Variants in COLEC12 observed in about 807,000 individuals in gnomAD.
COLEC12 encodes the protein collectin subfamily member 12.
Under a neutral mutation model 71.1 loss-of-function variants are expected in COLEC12, and 33 were observed. The observed-to-expected ratio is 0.46, with a 90% CI of 0.35 to 0.62. COLEC12 has a LOEUF of 0.62. Among genes scored for constraint, COLEC12 ranks in the 20% least tolerant of loss-of-function variants. The pLI is 0.00. For synonymous variants in COLEC12, 350 were observed against 353.0 expected, an observed-to-expected ratio of 0.99 and a Z score of 0.10; for missense variants, 765 against 916.1, an observed-to-expected ratio of 0.84 and a Z score of 2.13.
At chr18:359,850 G>A (rs549173391) in intron 2 of COLEC12, among the ~76,000 whole-genome samples, 3 of 152,342 alleles carry the variant, frequency 2.0e-5, no homozygotes, top group African/African-American at 7.2e-5. Flanking sequence ...TTAAGCCACA[G>A]TTGAAGTTTC....
chr18:395,825 T>TC (rs1464833920), intron 2 of COLEC12, among the ~76,000 whole-genome samples: 5 of 151,916 alleles, frequency 3.3e-5, no homozygotes, highest in African/African-American at 1.2e-4. Context: ...AATCCCCAAT[T>TC]CCCCCCATCC....
At chr18:436,233 A>G (rs1465887176) in intron 2 of COLEC12, among the ~76,000 whole-genome samples, 1 of 152,214 alleles carries the variant, frequency 6.6e-6, no homozygotes, top group Non-Finnish European at 1.5e-5. Flanking sequence ...AAGCGGGGCC[A>G]GGCGCAGTGG....
chr18:398,810 C>T (rs556690952), intron 2 of COLEC12, among the ~76,000 whole-genome samples: 1 of 152,328 alleles, frequency 6.6e-6, no homozygotes, highest in South Asian at 2.1e-4. Context: ...ACTCCAAAAT[C>T]TCCGGGCTTT....
intron 2 of COLEC12, among the ~76,000 whole-genome samples, chr18:389,660 G>C (rs1355391835): frequency 1.3e-5 from 2 of 151,764 alleles, no homozygotes; most frequent in African/African-American, 2.4e-5. Flanking sequence ...GTAACAACAA[G>C]CCCCTTTTGG....
intron 1 of COLEC12, among the ~76,000 whole-genome samples, chr18:482,876 G>T (rs970558093): frequency 1.3e-5 from 2 of 152,008 alleles, no homozygotes; most frequent in African/African-American, 4.8e-5. Context: ...GCCTCCCAAA[G>T]TGCTGGGACT....
intron 5 of COLEC12, among the ~76,000 whole-genome samples, chr18:343,868 C>T (rs753306592): frequency 2.6e-5 from 4 of 152,180 alleles, no homozygotes; most frequent in African/African-American, 7.2e-5. Context: ...TTCATTGGGA[C>T]GTTGGTGAAA....
At chr18:432,794 C>G in intron 2 of COLEC12, among the ~76,000 whole-genome samples, 1 of 152,192 alleles carries the variant, frequency 6.6e-6, no homozygotes, top group East Asian at 1.9e-4. Flanking sequence ...CAAGCTGCAA[C>G]CCTTCCGGCG....
intron 1 of COLEC12, among the ~76,000 whole-genome samples, chr18:494,465 T>C (rs1598382936): frequency 1.3e-5 from 2 of 152,170 alleles, no homozygotes; most frequent in South Asian, 2.1e-4. Flanking sequence ...GTAGATGCCA[T>C]TGTTGTCCCT....
chr18:494,432 A>AT (rs1336650941), intron 1 of COLEC12, among the ~76,000 whole-genome samples: 1 of 133,170 alleles, frequency 7.5e-6, no homozygotes. Flanking sequence ...CTAAACAACT[A>AT]TTTAATCCTT....
At chr18:452,703 A>C (rs1916787154) in intron 2 of COLEC12, among the ~76,000 whole-genome samples, 1 of 152,246 alleles carries the variant, frequency 6.6e-6, no homozygotes, top group South Asian at 2.1e-4. Context: ...CAGGACCCAA[A>C]GATGGGCTCT....
chr18:368,130 T>C (rs1347334038), intron 2 of COLEC12, among the ~76,000 whole-genome samples: 1 of 152,262 alleles, frequency 6.6e-6, no homozygotes, highest in East Asian at 1.9e-4. Context: ...TAATTTTCCA[T>C]GCCTTTATAT....
chr18:430,652 A>G (rs1052199020), intron 2 of COLEC12, among the ~76,000 whole-genome samples: 2 of 152,164 alleles, frequency 1.3e-5, no homozygotes, highest in Non-Finnish European at 2.9e-5. Flanking sequence ...TTTAAACCGA[A>G]AAGTCAATTT....
chr18:455,255 TTTTTG>T (rs906837173), intron 2 of COLEC12, among the ~76,000 whole-genome samples: 12 of 151,692 alleles, frequency 7.9e-5, no homozygotes, highest in East Asian at 1.9e-4. Context: ...ACTTTATTTA[TTTTTG>T]TTTTGTTTTA....
chr18:395,403 G>C (rs1028719306), intron 2 of COLEC12, among the ~76,000 whole-genome samples: 2 of 152,182 alleles, frequency 1.3e-5, no homozygotes, highest in Non-Finnish European at 2.9e-5. Context: ...TGGGAGGCCA[G>C]GCATACTCAG....
At chr18:431,430 G>A (rs184560395) in intron 2 of COLEC12, among the ~76,000 whole-genome samples, 14 of 152,290 alleles carry the variant, frequency 9.2e-5, no homozygotes, top group African/African-American at 2.9e-4. Context: ...TTTATTTCTT[G>A]AAGCACGTTG....
chr18:440,541 A>G (rs1298838727), intron 2 of COLEC12, among the ~76,000 whole-genome samples: 1 of 152,160 alleles, frequency 6.6e-6, no homozygotes, highest in African/African-American at 2.4e-5. Context: ...AGCCGAAAAA[A>G]TTCATGAGTT....
rs33924107 is a variant in COLEC12, at chr18:317,977, CT to C, written c.*2067del. The C allele has an allele frequency of 7.5e-5, 11 of 146,722 alleles. No homozygotes were observed. Among genetic ancestry groups the C allele is most frequent in the Middle Eastern group, 3.5e-3 (1 of 286 alleles). The allele number at this position is 146,722 out of a possible 1,614,324, so 9.1% of individuals were successfully genotyped here. On this transcript the variant is annotated 3_prime_UTR_variant, in exon 10 of 10. Transcript: ENST00000400256. ...GGGAAAGTCAAACTCTGTCTTTATT[CT>C]TTTTTTTTTTTCTTTTTGAGATGAG... is the stretch of plus-strand genomic sequence containing the variant.
At chr18:456,885 G>C (rs916028055) in intron 2 of COLEC12, among the ~76,000 whole-genome samples, 1 of 152,180 alleles carries the variant, frequency 6.6e-6, no homozygotes, top group Non-Finnish European at 1.5e-5. Context: ...GGAAGAGCCA[G>C]GCAGGAATGC....
chr18:415,744 A>G (rs2143644080), intron 2 of COLEC12, among the ~76,000 whole-genome samples: 1 of 152,294 alleles, frequency 6.6e-6, no homozygotes, highest in Middle Eastern at 3.4e-3. Context: ...GCACTGGGGC[A>G]AGCAGGTATG....
Sources: allele counts gnomAD v4.1 joint callset (sites outside exome capture counted in the v4.1 genomes callset), GRCh38; gene constraint gnomAD v4.1.1; transcripts MANE v1.5; gene names NCBI Gene and HGNC (gene_info 2026-07-23, HGNC 2026-07-21).